RDH8: variants seen among roughly 807,000 people sequenced by gnomAD.
The protein encoded by RDH8 is retinol dehydrogenase 8, also known as photoreceptor outer segment all-trans retinol dehydrogenase.
Under a neutral mutation model 22.3 loss-of-function variants are expected in RDH8, and 14 were observed. That is an observed-to-expected ratio of 0.63 (90% confidence interval 0.42 to 0.98). RDH8 has a LOEUF of 0.98. Among genes scored for constraint, RDH8 ranks in the 50% least tolerant of loss-of-function variants. The probability of loss-of-function intolerance (pLI) is 0.00; values close to 1 mark genes in which losing one functional copy is unlikely to be tolerated. For missense variants in RDH8, 389 were observed against 409.8 expected (o/e 0.95, Z 0.44); for synonymous variants, 175 against 171.7 (o/e 1.02, Z -0.15).
intron 1 of RDH8, among the ~76,000 whole-genome samples, chr19:10,014,786 C>T (rs1205334424): frequency 6.6e-6 from 1 of 152,172 alleles, no homozygotes. Flanking sequence ...ATCTGCCTGC[C>T]TGGGCCTCCC....
Position 10,020,799 on chromosome 19 carries a change from T to C in RDH8, c.533T>C (p.Ile178Thr), listed in dbSNP as rs1042236279. The change falls in exon 4 of 6, where the codon ATC (isoleucine) becomes ACC (threonine). Residue 178 changes from isoleucine (I) to threonine (T), a missense_variant. Physicochemically the swap from Ile to Thr is moderately conservative, Grantham distance 89. Coordinates refer to ENST00000591589, the MANE Select transcript of RDH8 (RefSeq NM_015725.4). ...SLAIQLLQFN[I>T]FISLVEPGPV... is the part of the protein sequence containing the mutation. ...GCTATCCAGCTGCTGCAGTTCAACA[T>C]CTTGTGAGGCGGGCACGTGGGCAGA... 1 of 1,606,790 alleles carries C rather than the reference T, an allele frequency of 6.2e-7. No individual in the cohort carries two copies. The highest frequency in any genetic ancestry group is 8.5e-7 in the Non-Finnish European group (1 of 1,175,578).
At chr19:10,017,545 T>G (rs1354244631) in intron 2 of RDH8, among the ~76,000 whole-genome samples, 1 of 152,102 alleles carries the variant, frequency 6.6e-6, no homozygotes, top group African/African-American at 2.4e-5. Flanking sequence ...TAATCCCAGC[T>G]ACTCGGGAGG....
At chr19:10,019,125 C>T (rs1361361352) in intron 3 of RDH8, among the ~76,000 whole-genome samples, 1 of 151,740 alleles carries the variant, frequency 6.6e-6, no homozygotes, top group Non-Finnish European at 1.5e-5. Context: ...GGTGAAAGCC[C>T]GTTCCTACTA....
Position 10,022,196 on chromosome 19 carries a change from C to A in RDH8, c.*447C>A. ...TGGACCAAGGGGTCATTCCTGGTCA[C>A]ACACTCCATCAGCAAAATGTATTTG... On this transcript the variant is annotated 3_prime_UTR_variant, in exon 6 of 6. Transcript: ENST00000591589. 6.0e-6 allele frequency: 1 copy of A among 167,884 alleles called. No individual in the cohort carries two copies. Among genetic ancestry groups the A allele is most frequent in the Admixed American group, 5.6e-5 (1 of 17,786 alleles). The allele number at this position is 167,884 out of a possible 1,614,324, so 10.4% of individuals were successfully genotyped here. A position where few individuals can be genotyped will look rare whatever the true frequency, so the allele number is the denominator to read the frequency against.
rs541277048 is a variant in RDH8, at chr19:10,021,481, T to C, written c.720+43T>C. 1.9e-6 allele frequency: 3 copies of C among 1,613,916 alleles called. No individual in the cohort carries two copies. The East Asian group carries it at 6.7e-5, about 36-fold the overall frequency. On this transcript the variant is annotated intron_variant, in intron 5 of 5. Coordinates refer to ENST00000591589, the MANE Select transcript of RDH8 (RefSeq NM_015725.4). ...AGCCCCAAGACGTGGCTCAGGTATG[T>C]TGCGGGGTGAGGCCCTCCCTGGGTC...
Position 10,018,838 on chromosome 19 carries a change from G to T in RDH8, c.370G>T (p.Ala124Ser), listed in dbSNP as rs775871661. The T allele has an allele frequency of 1.2e-6, 2 of 1,613,962 alleles. No individual in the cohort carries two copies. The highest frequency in any genetic ancestry group is 2.2e-5 in the South Asian group (2 of 91,024). ...NFFGAVRLVK[A>S]VLPGMKRRRQ... ...TTTCGGAGCTGTCCGTCTCGTCAAA[G>T]CTGTGCTTCCAGGCATGAAGAGGAG... Residue 124 changes from alanine (A) to serine (S), a missense_variant, in exon 3 of 6, where the codon GCT becomes TCT. Transcript: ENST00000591589.
Position 10,021,838 on chromosome 19 carries a change from A to G in RDH8, c.*89A>G, listed in dbSNP as rs2087664871. The G allele has an allele frequency of 1.5e-6, 2 of 1,344,608 alleles. No homozygotes were observed. Among genetic ancestry groups the G allele is most frequent in the East Asian group, 2.5e-5 (1 of 40,754 alleles). 83.3% of individuals were successfully genotyped at this position (1,344,608 alleles called of 1,614,324 possible). ...CAAAGGATGAACAGACTCTTCATTT[A>G]TTCATTCTGCAAACTCCCCCTCCCC... On this transcript the variant is annotated 3_prime_UTR_variant, in exon 6 of 6. Transcript: ENST00000591589.
chr19:10,020,894 G>T (rs565017027), intron 4 of RDH8, 92 bp downstream of exon 4: 1 of 924,768 alleles, frequency 1.1e-6, no homozygotes, highest in South Asian at 1.4e-5. Context: ...CAATGAAGCT[G>T]AGTGCAGTGG....
rs753456089 is a variant in RDH8 at position 10,013,503 on chromosome 19, C to T, written c.6C>T (p.Ala2=). M[A]AAPRTVLISG... is the part of the protein sequence containing the mutation. ...AGTCCAGGGAGGGGATCAACATGGC[C>T]GCTGCACCCCGGACTGTGTTGATCT... The change falls in exon 1 of 6, where the codon GCC becomes GCT. Residue 2 remains alanine, a synonymous_variant. Coordinates refer to ENST00000591589, the MANE Select transcript of RDH8 (RefSeq NM_015725.4). The T allele has an allele frequency of 2.4e-5, 38 of 1,612,884 alleles. No individual in the cohort carries two copies. Among genetic ancestry groups the T allele is most frequent in the Admixed American group, 5.0e-5 (3 of 59,982 alleles).
chr19:10,016,816 CATAG>C, intron 1 of RDH8, among the ~76,000 whole-genome samples: 1 of 152,052 alleles, frequency 6.6e-6, no homozygotes. Flanking sequence ...TAGAATAGGG[CATAG>C]TGTATAGTAG....
chr19:10,015,077 G>C (rs554941635), intron 1 of RDH8, among the ~76,000 whole-genome samples: 2 of 152,334 alleles, frequency 1.3e-5, no homozygotes, highest in East Asian at 3.9e-4. Flanking sequence ...GGGTGATTAT[G>C]GGTGCACACA....
rs2087664630 is a variant in RDH8 at position 10,021,822 on chromosome 19, A to G, written c.*73A>G. ...CATTCCACATCTAATTCAAAGGATGAACAGACTCTTCATTTATTCATTCTG... is the reference window on the plus strand; with the variant it reads ...CATTCCACATCTAATTCAAAGGATGGACAGACTCTTCATTTATTCATTCTG... On this transcript the variant is annotated 3_prime_UTR_variant, in exon 6 of 6. Transcript: ENST00000591589. The G allele has an allele frequency of 7.0e-7, 1 of 1,435,000 alleles. No individual in the cohort carries two copies. The highest frequency in any genetic ancestry group is 1.4e-5 in the African/African-American group (1 of 71,056). 88.9% of individuals were successfully genotyped at this position (1,435,000 alleles called of 1,614,324 possible). A position where few individuals can be genotyped will look rare whatever the true frequency, so the allele number is the denominator to read the frequency against.
intron 1 of RDH8, among the ~76,000 whole-genome samples, chr19:10,016,604 G>C (rs1441236237): frequency 6.6e-6 from 1 of 152,038 alleles, no homozygotes; most frequent in Non-Finnish European, 1.5e-5. Context: ...AGGACTACAG[G>C]TGGGGGCCAC....
chr19:10,020,224 C>T (rs1010760565), intron 3 of RDH8, among the ~76,000 whole-genome samples: 6 of 151,850 alleles, frequency 4.0e-5, no homozygotes, highest in Non-Finnish European at 5.9e-5. Flanking sequence ...ATCGCTTAAG[C>T]TCAGGAGTTC....
intron 1 of RDH8, among the ~76,000 whole-genome samples, chr19:10,014,088 G>C (rs2087590162): frequency 6.6e-6 from 1 of 152,140 alleles, no homozygotes; most frequent in South Asian, 2.1e-4. Flanking sequence ...CCTGACCTTG[G>C]GGGTTGAAGG....
intron 2 of RDH8, among the ~76,000 whole-genome samples, chr19:10,017,440 A>G (rs567092341): frequency 6.6e-6 from 1 of 152,206 alleles, no homozygotes; most frequent in East Asian, 1.9e-4. Flanking sequence ...GCACTTTGGG[A>G]GGCCGAGACA....
intron 5 of RDH8, 46 bp from the exon 6 acceptor site, chr19:10,021,488 G>C (rs750647179): frequency 6.2e-7 from 1 of 1,613,864 alleles, no homozygotes; most frequent in South Asian, 1.1e-5. Flanking sequence ...ATGTTGCGGG[G>C]TGAGGCCCTC....
chr19:10,017,513 G>A (rs1673133), intron 2 of RDH8, among the ~76,000 whole-genome samples: 78,310 of 151,954 alleles, frequency 0.52, 20,530 homozygotes, highest in South Asian at 0.68. Flanking sequence ...TTAAAAATTA[G>A]CCAGTCATAG....
In RDH8 at chr19:10,020,715, T is replaced by A. The variant is rs770855158; in HGVS notation, c.449T>A (p.Ile150Asn). 1.2e-6 allele frequency: 2 copies of A among 1,608,604 alleles called. No homozygotes were observed. Among genetic ancestry groups the A allele is most frequent in the Non-Finnish European group, 1.7e-6 (2 of 1,176,642 alleles). The change falls in exon 4 of 6, where the codon ATC (isoleucine) becomes AAC (asparagine). Residue 150 changes from isoleucine (I) to asparagine (N), a missense_variant. Ile to Asn is a moderately radical substitution (Grantham distance 149). Coordinates refer to ENST00000591589, the MANE Select transcript of RDH8 (RefSeq NM_015725.4). ...CTCCCTCTGACCCTCACAGGTGTCA[T>A]CTTCAACGATGTCTATGCAGCTTCC... Reference protein sequence around the residue: ...ISSVMGLQGVIFNDVYAASKF... With the variant: ...ISSVMGLQGVNFNDVYAASKF...
Sources: gnomAD v4.1 joint callset for allele counts (sites outside exome capture counted in the v4.1 genomes callset) on GRCh38, gnomAD v4.1.1 for gene constraint, MANE v1.5 for transcripts, NCBI Gene and HGNC (gene_info 2026-07-23, HGNC 2026-07-21) for gene names.